Variants in KRT24 observed in about 807,000 individuals in gnomAD.
KRT24 encodes keratin, type I cytoskeletal 24.
KRT24 carries 44 observed loss-of-function variants against 51.7 expected under a neutral mutation model. That is an observed-to-expected ratio of 0.85 (90% CI 0.67 to 1.09). KRT24 has a LOEUF of 1.09. Ranked by LOEUF, KRT24 falls within the 50% of genes least tolerant of loss-of-function variation. The pLI, the probability that KRT24 is intolerant of heterozygous loss-of-function variation, is 0.00. For synonymous variants in KRT24, 241 were observed against 249.5 expected, an observed-to-expected ratio of 0.97 and a Z score of 0.32; for missense variants, 633 against 647.0, an observed-to-expected ratio of 0.98 and a Z score of 0.24.
At position 40,703,656 on chromosome 17, in the gene KRT24, C is replaced by T. The variant is rs373675915; in HGVS notation, c.38G>A (p.Gly13Glu). 1.3e-6 allele frequency: 2 copies of T among 1,595,896 alleles called. No individual in the cohort carries two copies. The highest frequency in any genetic ancestry group is 2.7e-5 in the African/African-American group (2 of 74,212). ...AGACACCCTGGCTGAGCTGCTGCCT[C>T]CAGCCCTGGAGGAGGAGGCGCGAGA... Reference protein sequence around the residue: ...CSSRASSSRAGGSSSARVSAG... With the variant: ...CSSRASSSRAEGSSSARVSAG... Residue 13 changes from glycine (G) to glutamate (E), a missense_variant, in exon 1 of 8, where the codon GGA becomes GAA. By Grantham distance (98) the Gly-to-Glu change is moderately conservative. Coordinates refer to ENST00000264651, the MANE Select transcript of KRT24 (RefSeq NM_019016.3).
rs1022803244 is a variant in KRT24 at position 40,699,617 on chromosome 17, G to A, written c.1188C>T (p.Tyr396=). ...TTTGAATTTCTGACAGCTGAGCCAC[G>A]TAGCCAGCTTCTGTGTCAGCCAGGG... The part of the protein sequence containing the change: ...EGTLADTEAG[Y]VAQLSEIQTQ... Residue 396 remains tyrosine, a synonymous_variant, in exon 6 of 8, where the codon TAC becomes TAT. Transcript: ENST00000264651. 3.7e-6 allele frequency: 6 copies of A among 1,614,156 alleles called. No individual in the cohort carries two copies. Among genetic ancestry groups the A allele is most frequent in the South Asian group, 1.1e-5 (1 of 91,080 alleles).
chr17:40,701,611 T>C (rs2037678431), intron 2 of KRT24, among the ~76,000 whole-genome samples: 1 of 150,540 alleles, frequency 6.6e-6, no homozygotes, highest in South Asian at 2.1e-4. Flanking sequence ...GTGTAGCTAC[T>C]GGCTTAGGTG....
At position 40,703,243 on chromosome 17, in the gene KRT24, A is replaced by G; in HGVS notation, c.451T>C (p.Leu151=). The change falls in exon 1 of 8, where the codon TTG becomes CTG. Residue 151 remains leucine, a synonymous_variant. Coordinates refer to ENST00000264651, the MANE Select transcript of KRT24 (RefSeq NM_019016.3). ...KQTMQNLNDR[L]ANYLDKVRAL... is the part of the protein sequence containing the mutation. The stretch of plus-strand genomic sequence containing the variant: ...CTGACCTTGTCTAGGTAATTGGCCA[A>G]GCGGTCATTGAGGTTCTGCATGGTT... 1 of 1,614,088 alleles carries G rather than the reference A, an allele frequency of 6.2e-7. No individual in the cohort carries two copies. The highest frequency in any genetic ancestry group is 1.1e-5 in the South Asian group (1 of 91,078).
intron 5 of KRT24, 24 bp downstream of exon 5, chr17:40,699,974 A>C: frequency 6.2e-7 from 1 of 1,613,586 alleles, no homozygotes; most frequent in Non-Finnish European, 8.5e-7. Context: ...CTGTTGGAAA[A>C]TGTGAAAAGC....
intron 3 of KRT24, 70 bp from the exon 4 acceptor site, chr17:40,700,453 C>T: frequency 8.7e-7 from 1 of 1,151,478 alleles, no homozygotes; most frequent in East Asian, 2.4e-5. Flanking sequence ...TGTGCCTAGA[C>T]AACAACAATT....
At chr17:40,699,380 T>C in intron 6 of KRT24, 64 bp downstream of exon 6, 1 of 1,290,812 alleles carries the variant, frequency 7.7e-7, no homozygotes, top group Non-Finnish European at 1.1e-6. Flanking sequence ...CTGAGTCCCA[T>C]TTTGGTTTTA....
intron 2 of KRT24, among the ~76,000 whole-genome samples, chr17:40,701,543 T>C (rs1339632977): frequency 4.0e-5 from 6 of 151,322 alleles, no homozygotes; most frequent in Non-Finnish European, 8.8e-5. Flanking sequence ...TTCTTTTTTC[T>C]TTTTCTTTTT....
At chr17:40,698,369 C>A in intron 7 of KRT24, 29 bp from the exon 8 acceptor site, 1 of 1,423,830 alleles carries the variant, frequency 7.0e-7, no homozygotes, top group South Asian at 1.2e-5. Context: ...CAATGTCAGT[C>A]TGGAAACTCT....
At chr17:40,698,413 A>G (rs958409121) in intron 7 of KRT24, 73 bp from the exon 8 acceptor site, 1 of 1,165,196 alleles carries the variant, frequency 8.6e-7, no homozygotes, top group African/African-American at 1.5e-5. Flanking sequence ...ATTCAATCAC[A>G]TGCATTCAAC....
rs1385372305 is a variant in KRT24, at chr17:40,701,899, A to G, written c.650T>C (p.Ile217Thr). The G allele has an allele frequency of 1.3e-6, 2 of 1,550,876 alleles. No homozygotes were observed. The highest frequency in any genetic ancestry group is 2.4e-5 in the South Asian group (2 of 82,594). Residue 217 changes from isoleucine (I) to threonine (T), a missense_variant, in exon 2 of 8, where the codon ATT becomes ACT. Ile to Thr is a moderately conservative substitution (Grantham distance 89, BLOSUM62 -1). Coordinates refer to ENST00000264651, the MANE Select transcript of KRT24 (RefSeq NM_019016.3). ...IAATVENAGI[I>T]LHIDNARLAA... ...CAATCTGGCATTGTCAATGTGCAAA[A>G]TGATCCCAGCATTTTCAACAGTGGC... is the stretch of plus-strand genomic sequence containing the variant.
rs189901977 is a variant in KRT24 at position 40,698,751 on chromosome 17, G to A, written c.1362-101C>T. ...ATGATGAAGTTTTGGATGTGTTTATGTGTTTTAATTGGATTGTGTCTGCTG... is the reference window on the plus strand; with the variant it reads ...ATGATGAAGTTTTGGATGTGTTTATATGTTTTAATTGGATTGTGTCTGCTG... On this transcript the variant is annotated intron_variant, in intron 6 of 7. Transcript: ENST00000264651. The A allele has an allele frequency of 7.0e-6, 5 of 710,442 alleles. No individual in the cohort carries two copies. In the African/African-American group the frequency reaches 7.1e-5, roughly 10 times the overall value. 44.0% of individuals were successfully genotyped at this position (710,442 alleles called of 1,614,324 possible).
chr17:40,698,789 A>G (rs1449976075), intron 6 of KRT24, 139 bp from the exon 7 acceptor site: 7 of 632,274 alleles, frequency 1.1e-5, no homozygotes, highest in Middle Eastern at 2.5e-4. Flanking sequence ...TTTTTGTTCA[A>G]CCTTGCACTC....
intron 6 of KRT24, among the ~76,000 whole-genome samples, chr17:40,698,869 C>A (rs554661002): frequency 4.3e-5 from 6 of 140,572 alleles, no homozygotes; most frequent in African/African-American, 1.6e-4. Context: ...CCACCATGCC[C>A]AGCTAATTTT....
In KRT24 at chr17:40,698,122, C is replaced by T; in HGVS notation, c.*115G>A. The T allele has an allele frequency of 1.5e-6, 1 of 678,106 alleles. No individual in the cohort carries two copies. Among genetic ancestry groups the T allele is most frequent in the Non-Finnish European group, 2.5e-6 (1 of 392,922 alleles). 42.0% of individuals were successfully genotyped at this position (678,106 alleles called of 1,614,324 possible). ...AGTTGGCTAGTCATCCATTTCTGGA[C>T]TGAAGCTTTTCCTGAAATTATCCAG... On this transcript the variant is annotated 3_prime_UTR_variant, in exon 8 of 8. Coordinates refer to ENST00000264651, the MANE Select transcript of KRT24 (RefSeq NM_019016.3).
At chr17:40,701,960 A>G (rs1026541919) in intron 1 of KRT24, 27 bp from the exon 2 acceptor site, 3 of 1,238,224 alleles carry the variant, frequency 2.4e-6, no homozygotes, top group Non-Finnish European at 3.4e-6. Flanking sequence ...TAGTGAGTGA[A>G]TCACGAATGA....
intron 1 of KRT24, 68 bp downstream of exon 1, chr17:40,703,011 A>T: frequency 1.4e-6 from 2 of 1,463,524 alleles, no homozygotes; most frequent in Non-Finnish European, 1.8e-6. Context: ...AATTTTCATT[A>T]TAGTACATGA....
At chr17:40,700,809 G>A (rs993209414) in intron 3 of KRT24, among the ~76,000 whole-genome samples, 4 of 152,134 alleles carry the variant, frequency 2.6e-5, no homozygotes, top group African/African-American at 9.7e-5. Flanking sequence ...CACCATGTTG[G>A]TCAGGCTGGT....
rs373917694 is a variant in KRT24 at position 40,700,118 on chromosome 17, T to G, written c.1023A>C (p.Ala341=). The change falls in exon 5 of 8, where the codon GCA becomes GCC. Residue 341 remains alanine, a synonymous_variant. Coordinates refer to ENST00000264651, the MANE Select transcript of KRT24 (RefSeq NM_019016.3). The stretch of plus-strand genomic sequence containing the variant: ...CAGTGGAGATTTGTGCTTGTAGTGA[T>G]GCGCTCTAAATACAAACATAATGCA... The part of the protein sequence containing the change: ...EAEERFNKQS[A]SLQAQISTDA... 2 of 1,614,102 alleles carry G rather than the reference T, an allele frequency of 1.2e-6. No homozygotes were observed. Among genetic ancestry groups the G allele is most frequent in the African/African-American group, 2.7e-5 (2 of 74,938 alleles).
In KRT24 at chr17:40,703,217, T is replaced by G. The variant is rs752767498; in HGVS notation, c.477A>C (p.Arg159Ser). The G allele has an allele frequency of 1.2e-5, 20 of 1,614,148 alleles. No individual in the cohort carries two copies. Among genetic ancestry groups the G allele is most frequent in the Non-Finnish European group, 1.7e-5 (20 of 1,180,018 alleles). ...DRLANYLDKV[R>S]ALEEANTDLE... ...GATCAGTGTTAGCCTCCTCCAGGGC[T>G]CTGACCTTGTCTAGGTAATTGGCCA... Residue 159 changes from arginine to serine, a missense_variant, in exon 1 of 8, where the codon AGA becomes AGC. Arg to Ser is a moderately radical substitution (Grantham distance 110). Transcript: ENST00000264651.
Sources: allele counts gnomAD v4.1 joint callset (sites outside exome capture counted in the v4.1 genomes callset), GRCh38; gene constraint gnomAD v4.1.1; transcripts MANE v1.5; gene names NCBI Gene and HGNC (gene_info 2026-07-23, HGNC 2026-07-21).